IL9R: variants seen among roughly 807,000 people sequenced by gnomAD.
IL9R encodes the protein interleukin-9 receptor.
IL9R carries 54 observed loss-of-function variants against 56.3 expected under a neutral mutation model. That is an observed-to-expected ratio of 0.96 (90% CI 0.77 to 1.20). The LOEUF (loss-of-function observed/expected upper bound fraction) is 1.20. Ranked by LOEUF, IL9R falls within the 50% of genes most tolerant of loss-of-function variation. The probability of loss-of-function intolerance (pLI) is 0.00; values close to 1 mark genes in which losing one functional copy is unlikely to be tolerated. For missense variants in IL9R, 545 were observed against 629.8 expected (o/e 0.87, Z 1.44); for synonymous variants, 212 against 250.2 (o/e 0.85, Z 1.44).
intron 1 of IL9R, 49 bp from the exon 2 acceptor site, chrX:156,002,857 C>T (rs750636749): frequency 6.2e-7 from 1 of 1,612,632 alleles, no homozygotes; most frequent in Admixed American, 1.7e-5. Context: ...GGGAGCACCC[C>T]TCCAGAGAGG....
intron 1 of IL9R, among the ~76,000 whole-genome samples, chrX:156,000,404 T>C (rs1422071312): frequency 6.6e-6 from 1 of 152,134 alleles, no homozygotes; most frequent in Non-Finnish European, 1.5e-5. Context: ...AGTAGGCATC[T>C]GGGCCAGACT....
intron 1 of IL9R, among the ~76,000 whole-genome samples, chrX:156,001,175 C>T (rs935337513): frequency 1.3e-5 from 2 of 152,168 alleles, no homozygotes; most frequent in South Asian, 2.1e-4. Flanking sequence ...CATCCCACTC[C>T]CTGCTCTCAA....
chrX:156,007,501 G>C (rs753878089), intron 7 of IL9R, 22 bp from the exon 8 acceptor site: 6 of 1,012,496 alleles, frequency 5.9e-6, no homozygotes, highest in Non-Finnish European at 7.6e-6. Context: ...ATAGGCCTCT[G>C]ACTGGCCTCT....
At chrX:156,000,141 A>AT (rs1556393968) in intron 1 of IL9R, among the ~76,000 whole-genome samples, 4 of 134,240 alleles carry the variant, frequency 3.0e-5, no homozygotes, top group African/African-American at 1.3e-4. Context: ...GTCTAAAAAA[A>AT]AAAAATATAT....
At chrX:155,998,590 G>C (rs2067297850) in intron 1 of IL9R, among the ~76,000 whole-genome samples, 1 of 151,634 alleles carries the variant, frequency 6.6e-6, no homozygotes, top group Admixed American at 6.6e-5. Context: ...TTTTTTTTGA[G>C]ACAGAGTTTG....
chrX:156,002,851 G>T (rs765078790), intron 1 of IL9R, 55 bp from the exon 2 acceptor site: 19 of 1,611,344 alleles, frequency 1.2e-5, no homozygotes, highest in Non-Finnish European at 3.4e-6. Flanking sequence ...TTCATGGGGA[G>T]CACCCCTCCA....
rs1188769868 is a variant in IL9R at position 156,003,446 on chromosome X, C to G, written c.143-3C>G. On this transcript the variant is annotated splice_polypyrimidine_tract_variant and splice_region_variant and intron_variant, in intron 2 of 8. Transcript: ENST00000244174. Reference sequence around the variant, plus strand: ...GTGGGCTCCTGATGGTCACTGTCTCCAGGGCCAAGGTCTAGAACCTTCACC... The same window carrying G: ...GTGGGCTCCTGATGGTCACTGTCTCGAGGGCCAAGGTCTAGAACCTTCACC... 3 of 1,607,656 alleles carry G rather than the reference C, an allele frequency of 1.9e-6. No individual in the cohort carries two copies. Among genetic ancestry groups the G allele is most frequent in the Non-Finnish European group, 2.6e-6 (3 of 1,175,968 alleles).
intron 4 of IL9R, 92 bp from the exon 5 acceptor site, chrX:156,004,328 T>C (rs2067755835): frequency 5.2e-6 from 7 of 1,354,712 alleles, no homozygotes; most frequent in African/African-American, 2.9e-5. Flanking sequence ...ACCATTCCCC[T>C]TGGGAGTCTT....
intron 1 of IL9R, chrX:156,001,611 C>T: frequency 1.4e-5 from 7 of 500,252 alleles, no homozygotes; most frequent in Non-Finnish European, 2.4e-5. Context: ...TGCCTGCTGC[C>T]CATTGGTTTG....
intron 8 of IL9R, among the ~76,000 whole-genome samples, chrX:156,008,443 T>C (rs1368155617): frequency 2.0e-5 from 3 of 151,768 alleles, no homozygotes; most frequent in Non-Finnish European, 2.9e-5. Flanking sequence ...TCCAAAAATA[T>C]AATTTGAACC....
In IL9R at chrX:156,003,700, A is replaced by G. The variant is rs767346728; in HGVS notation, c.278A>G (p.His93Arg). The G allele has an allele frequency of 6.2e-7, 1 of 1,613,580 alleles. No homozygotes were observed. The highest frequency in any genetic ancestry group is 8.5e-7 in the Non-Finnish European group (1 of 1,179,686). Residue 93 changes from histidine to arginine, a missense_variant, in exon 4 of 9, where the codon CAT (histidine) becomes CGT (arginine). Around this residue, in one of 2 missense-constraint regions of IL9R, gnomAD observed 431 missense variants for 360.0 expected, o/e 1.20. Coordinates refer to ENST00000244174, the MANE Select transcript of IL9R (RefSeq NM_002186.3). ...AGCAACCAGGCTCCTGGCGGCACAC[A>G]TAAGTGCATCTTGCGGGGCAGTGAG... ...FTSNQAPGGT[H>R]KCILRGSECT... is the part of the protein sequence containing the mutation.
chrX:156,004,091 G>A (rs967420547), intron 4 of IL9R: 56 of 607,598 alleles, frequency 9.2e-5, no homozygotes, highest in Non-Finnish European at 1.4e-4. Context: ...AGTTGGGGCA[G>A]GGGCTGGCAC....
chrX:156,006,849 G>A (rs1433975756), intron 7 of IL9R, among the ~76,000 whole-genome samples: 1 of 150,616 alleles, frequency 6.6e-6, no homozygotes, highest in Admixed American at 6.6e-5. Flanking sequence ...AGATTGCTGG[G>A]ACAAGGGGAC....
rs1180049401 is a variant in IL9R at position 156,001,879 on chromosome X, G to A, written c.29-1027G>A. Among the ~76,000 whole-genome samples the A allele has an allele frequency of 5.9e-5, 9 of 152,262 alleles. No homozygotes were observed. In the East Asian group the frequency reaches 7.7e-4, roughly 13 times the overall value. Reference sequence around the variant, plus strand: ...GCTCAGGCCTCACGCTCCAGCATCCGGGGGCTTTGCCCTTCTGGTGTTGCT... The same window carrying A: ...GCTCAGGCCTCACGCTCCAGCATCCAGGGGCTTTGCCCTTCTGGTGTTGCT... On this transcript the variant is annotated intron_variant, in intron 1 of 8. Coordinates refer to ENST00000244174, the MANE Select transcript of IL9R (RefSeq NM_002186.3).
chrX:156,003,494 G>T lies in IL9R; in HGVS notation c.188G>T (p.Arg63Met). 3 of 1,612,308 alleles carry T rather than the reference G, an allele frequency of 1.9e-6. No individual in the cohort carries two copies. The East Asian group carries it at 6.7e-5, about 36-fold the overall frequency. Residue 63 changes from arginine (R) to methionine (M), a missense_variant, in exon 3 of 9, where the codon AGG becomes ATG. By Grantham distance (91) the Arg-to-Met change is moderately conservative (BLOSUM62 -1). Coordinates refer to ENST00000244174, the MANE Select transcript of IL9R (RefSeq NM_002186.3). ...ACCTGCCTCACCAACAACATTCTCAGGATCGATTGCCACTGGTCTGCCCCA... is the reference window on the plus strand; with the variant it reads ...ACCTGCCTCACCAACAACATTCTCATGATCGATTGCCACTGGTCTGCCCCA... ...TFTCLTNNILRIDCHWSAPEL... is the reference protein window; with the variant it reads ...TFTCLTNNILMIDCHWSAPEL...
intron 5 of IL9R, 104 bp downstream of exon 5, chrX:156,004,669 A>G: frequency 8.4e-7 from 1 of 1,193,664 alleles, no homozygotes; most frequent in Non-Finnish European, 1.2e-6. Flanking sequence ...TAGTGATGAG[A>G]AGGGAGGAAC....
chrX:156,005,243 C>G (rs769155097), intron 5 of IL9R, 35 bp from the exon 6 acceptor site: 7 of 1,594,728 alleles, frequency 4.4e-6, no homozygotes, highest in Non-Finnish European at 1.7e-6. Context: ...CCCAGCCCCA[C>G]CTTCACCACC....
intron 1 of IL9R, 119 bp from the exon 2 acceptor site, chrX:156,002,787 A>G: frequency 7.1e-7 from 1 of 1,410,004 alleles, no homozygotes; most frequent in Non-Finnish European, 1.0e-6. Flanking sequence ...GTTAGGACAC[A>G]GGACACTGTG....
At chrX:156,003,379 C>T in intron 2 of IL9R, 70 bp from the exon 3 acceptor site, 3 of 1,097,670 alleles carry the variant, frequency 2.7e-6, no homozygotes. Context: ...CTGTCAGATC[C>T]TCCCCAACCC....
Sources: gnomAD v4.1 joint callset for allele counts (sites outside exome capture counted in the v4.1 genomes callset) on GRCh38, gnomAD v4.1.1 for gene constraint, gnomAD v4.1.1 regional missense constraint, MANE v1.5 for transcripts, NCBI Gene and HGNC (gene_info 2026-07-23, HGNC 2026-07-21) for gene names.